UBE2D3: variants seen among roughly 807,000 people sequenced by gnomAD.
UBE2D3 encodes the protein ubiquitin conjugating enzyme E2 D3.
UBE2D3 carries 2 observed loss-of-function variants against 22.8 expected under a neutral mutation model. That is an observed-to-expected ratio of 0.09 (90% CI 0.04 to 0.28). The LOEUF is 0.28. Ranked by LOEUF, UBE2D3 falls within the 10% of genes least tolerant of loss-of-function variation. The pLI is 1.00. For missense variants in UBE2D3, 27 were observed against 182.5 expected (o/e 0.15, Z 4.91); for synonymous variants, 56 against 60.4 (o/e 0.93, Z 0.34).
At chr4:102,800,344 G>C (rs756593741) in intron 6 of UBE2D3, among the ~76,000 whole-genome samples, 10 of 151,968 alleles carry the variant, frequency 6.6e-5, no homozygotes, top group Non-Finnish European at 1.3e-4. Context: ...TAATATAGGA[G>C]ACTTGGCTAT....
intron 1 of UBE2D3, among the ~76,000 whole-genome samples, chr4:102,858,021 A>G (rs573901389): frequency 6.6e-6 from 1 of 152,142 alleles, no homozygotes; most frequent in African/African-American, 2.4e-5. Context: ...AGCCATTACC[A>G]AGTTATTATT....
intron 1 of UBE2D3, among the ~76,000 whole-genome samples, chr4:102,860,002 C>T (rs223342): frequency 0.56 from 84,442 of 151,620 alleles, 24,331 homozygotes; most frequent in African/African-American, 0.72. Context: ...CCCACCACCA[C>T]TCCTGGCTAA....
chr4:102,803,941 G>C (rs1726603537), intron 4 of UBE2D3, among the ~76,000 whole-genome samples: 1 of 151,850 alleles, frequency 6.6e-6, no homozygotes, highest in African/African-American at 2.4e-5. Flanking sequence ...GCTAATTTTT[G>C]TATTTTTAGT....
At chr4:102,843,844 C>G (rs1388905871) in intron 1 of UBE2D3, 1 of 152,088 alleles carries the variant, frequency 6.6e-6, no homozygotes, top group Non-Finnish European at 1.5e-5. Flanking sequence ...CCATCAAGGT[C>G]CCTTCATACC....
Position 102,826,643 on chromosome 4 carries a change from C to T in UBE2D3, c.-128-7G>A. The T allele has an allele frequency of 7.0e-6, 11 of 1,564,628 alleles. No homozygotes were observed. The highest frequency in any genetic ancestry group is 9.4e-6 in the Non-Finnish European group (11 of 1,165,342). ...CTCTGCCAGACACAGGCGCCTTTTG[C>T]AAAAACGGAGCAGATCAGCACTCGC... On this transcript the variant is annotated splice_region_variant and splice_polypyrimidine_tract_variant and intron_variant, in intron 1 of 7. Coordinates refer to ENST00000453744, the MANE Select transcript of UBE2D3 (RefSeq NM_181891.3).
chr4:102,868,694 T>C, intron 1 of UBE2D3: 2 of 1,613,774 alleles, frequency 1.2e-6, no homozygotes, highest in Non-Finnish European at 1.7e-6. Context: ...GGGGACGAAG[T>C]AGAGACAGCA....
At chr4:102,842,378 C>T (rs903340791) in intron 1 of UBE2D3, among the ~76,000 whole-genome samples, 1 of 151,930 alleles carries the variant, frequency 6.6e-6, no homozygotes, top group African/African-American at 2.4e-5. Context: ...TAGTGGGAAC[C>T]TGTTTCTACC....
chr4:102,826,734 G>C, intron 1 of UBE2D3, 98 bp from the exon 2 acceptor site: 5 of 1,417,806 alleles, frequency 3.5e-6, no homozygotes, highest in Non-Finnish European at 4.6e-6. Flanking sequence ...GGGTGGGTGG[G>C]GTGGCGTGGC....
chr4:102,826,213 A>G (rs1306492510), intron 2 of UBE2D3, among the ~76,000 whole-genome samples: 2 of 152,060 alleles, frequency 1.3e-5, no homozygotes, highest in African/African-American at 4.8e-5. Flanking sequence ...ATAAAATAAT[A>G]AAGGCGCCTT....
At chr4:102,841,747 C>G (rs1038554055) in intron 1 of UBE2D3, among the ~76,000 whole-genome samples, 8 of 152,170 alleles carry the variant, frequency 5.3e-5, no homozygotes, top group African/African-American at 1.9e-4. Context: ...GGTCAAATGA[C>G]TTGCCCAAGG....
chr4:102,858,049 T>G (rs1259536934), intron 1 of UBE2D3, among the ~76,000 whole-genome samples: 2 of 152,022 alleles, frequency 1.3e-5, no homozygotes, highest in Non-Finnish European at 2.9e-5. Flanking sequence ...TTTAATCTCT[T>G]TTGTTAGTGT....
At chr4:102,804,894 A>G (rs1446670245) in intron 4 of UBE2D3, among the ~76,000 whole-genome samples, 5 of 152,058 alleles carry the variant, frequency 3.3e-5, no homozygotes, top group Non-Finnish European at 5.9e-5. Flanking sequence ...TTTAGTTGAG[A>G]GGCTGGTCTC....
intron 7 of UBE2D3, chr4:102,799,087 A>G (rs554867086): frequency 1.6e-6 from 2 of 1,220,256 alleles, no homozygotes; most frequent in African/African-American, 3.1e-5. Context: ...AAATTTTTAC[A>G]ATAGTACTAA....
chr4:102,837,422 T>A (rs1318428451), intron 1 of UBE2D3, among the ~76,000 whole-genome samples: 2 of 152,212 alleles, frequency 1.3e-5, no homozygotes, highest in Non-Finnish European at 2.9e-5. Context: ...ATTTTACAAG[T>A]TGTAAGTTTG....
At chr4:102,823,929 C>A (rs534959186) in intron 2 of UBE2D3, among the ~76,000 whole-genome samples, 21 of 152,206 alleles carry the variant, frequency 1.4e-4, no homozygotes, top group African/African-American at 5.1e-4. Context: ...AGAATAAATT[C>A]GAAATAGGTA....
At position 102,827,513 on chromosome 4, in the gene UBE2D3, C is replaced by T. The variant is rs1730771924; in HGVS notation, c.-215G>A. 3 of 986,116 alleles carry T rather than the reference C, an allele frequency of 3.0e-6. No individual in the cohort carries two copies. The highest frequency in any genetic ancestry group is 3.6e-6 in the Non-Finnish European group (3 of 830,110). 61.1% of individuals were successfully genotyped at this position (986,116 alleles called of 1,614,324 possible). On this transcript the variant is annotated 5_prime_UTR_variant, in exon 1 of 8. Coordinates refer to ENST00000453744, the MANE Select transcript of UBE2D3 (RefSeq NM_181891.3). ...CCTCCCCGGCCCTACGGGGCTCACGCGCACGACACAGCCACAAGATGTCCG... is the reference window on the plus strand; with the variant it reads ...CCTCCCCGGCCCTACGGGGCTCACGTGCACGACACAGCCACAAGATGTCCG...
At chr4:102,852,469 A>G (rs1055666727) in intron 1 of UBE2D3, among the ~76,000 whole-genome samples, 1 of 152,258 alleles carries the variant, frequency 6.6e-6, no homozygotes, top group Non-Finnish European at 1.5e-5. Context: ...TGCACACACA[A>G]ATATGTAAAC....
At chr4:102,824,562 T>C (rs1479388235) in intron 2 of UBE2D3, among the ~76,000 whole-genome samples, 2 of 152,274 alleles carry the variant, frequency 1.3e-5, no homozygotes, top group African/African-American at 4.8e-5. Flanking sequence ...GCTAGAATTC[T>C]AACTGGAGCA....
Position 102,794,939 on chromosome 4 carries a change from A to C in UBE2D3, c.*2476T>G, listed in dbSNP as rs975181767. The C allele has an allele frequency of 8.5e-5, 13 of 152,116 alleles. No individual in the cohort carries two copies. The highest frequency in any genetic ancestry group is 2.4e-4 in the African/African-American group (10 of 41,450). 9.4% of individuals were successfully genotyped at this position (152,116 alleles called of 1,614,324 possible). ...ATAGTCAAAACTGATTCTAATACTC[A>C]GTTGGGTCCTATACATGGCACTAGT... On this transcript the variant is annotated 3_prime_UTR_variant, in exon 8 of 8. Transcript: ENST00000453744.
Sources: allele counts gnomAD v4.1 joint callset (sites outside exome capture counted in the v4.1 genomes callset), GRCh38; gene constraint gnomAD v4.1.1; transcripts MANE v1.5; gene names NCBI Gene and HGNC (gene_info 2026-07-23, HGNC 2026-07-21).